Variants in CHRNB4 observed in about 807,000 individuals in gnomAD.
The protein encoded by CHRNB4 is cholinergic receptor nicotinic beta 4 subunit.
Under a neutral mutation model 40.4 loss-of-function variants are expected in CHRNB4, and 23 were observed. The observed-to-expected ratio is 0.57, with a 90% confidence interval of 0.41 to 0.81. The LOEUF is 0.81. Ranked by LOEUF, CHRNB4 falls within the 30% of genes least tolerant of loss-of-function variation. The pLI is 0.00. For synonymous variants in CHRNB4, 285 were observed against 274.4 expected, an observed-to-expected ratio of 1.04 and a Z score of -0.38; for missense variants, 568 against 670.6, an observed-to-expected ratio of 0.85 and a Z score of 1.69.
chr15:78,632,221 C>T (rs1159475181), intron 2 of CHRNB4, among the ~76,000 whole-genome samples: 118 of 86,928 alleles, frequency 1.4e-3, no homozygotes, highest in African/African-American at 8.2e-3. Context: ...TTCTCTTTCT[C>T]TCTCTCTCTC....
At chr15:78,660,470 C>A (rs1364268361) in intron 1 of CHRNB4, 2 of 152,280 alleles carry the variant, frequency 1.3e-5, no homozygotes, top group Admixed American at 1.3e-4. Context: ...TAGTAAAAAC[C>A]TACTATGACG....
At chr15:78,651,099 G>T (rs984515547) in intron 6 of CHRNB4, among the ~76,000 whole-genome samples, 5 of 152,094 alleles carry the variant, frequency 3.3e-5, no homozygotes, top group African/African-American at 1.2e-4. Context: ...GACAGGAGCT[G>T]GCCCAAGTTC....
At chr15:78,648,163 G>C (rs948036393) in intron 7 of CHRNB4, among the ~76,000 whole-genome samples, 2 of 151,998 alleles carry the variant, frequency 1.3e-5, no homozygotes, top group African/African-American at 4.8e-5. Context: ...GAAGGCCTAG[G>C]CGGGTGGATC....
intron 1 of CHRNB4, among the ~76,000 whole-genome samples, chr15:78,640,840 T>C (rs1468079535): frequency 6.6e-6 from 1 of 152,164 alleles, no homozygotes; most frequent in Non-Finnish European, 1.5e-5. Context: ...GCCCTGGCCC[T>C]GGCAGCGGCT....
At chr15:78,659,110 G>T (rs901152014) in intron 1 of CHRNB4, among the ~76,000 whole-genome samples, 1 of 152,164 alleles carries the variant, frequency 6.6e-6, no homozygotes, top group African/African-American at 2.4e-5. Context: ...TGGTGGGGGT[G>T]TAAGATGGGG....
intron 7 of CHRNB4, among the ~76,000 whole-genome samples, chr15:78,648,391 C>CA (rs745703762): frequency 0.15 from 11,201 of 73,280 alleles, 1,453 homozygotes; most frequent in East Asian, 0.38. Flanking sequence ...AGACTTGCCT[C>CA]AAAAAAAAAA....
At position 78,628,954 on chromosome 15, in the gene CHRNB4, G is replaced by C; in HGVS notation, c.1338+13C>G. ...CTGTTGGGCAGGTGGGCAGGGGCTG[G>C]TTAGCAACTTACACTCTGGTCTTCA... On this transcript the variant is annotated intron_variant, in intron 5 of 5. Coordinates refer to ENST00000261751, the MANE Select transcript of CHRNB4 (RefSeq NM_000750.5). 1.2e-6 allele frequency: 2 copies of C among 1,601,410 alleles called. No homozygotes were observed. Among genetic ancestry groups the C allele is most frequent in the Non-Finnish European group, 1.7e-6 (2 of 1,170,816 alleles).
At chr15:78,653,182 G>A (rs531601207) in intron 5 of CHRNB4, among the ~76,000 whole-genome samples, 28 of 152,250 alleles carry the variant, frequency 1.8e-4, no homozygotes, top group African/African-American at 6.5e-4. Flanking sequence ...CTTTGACAAT[G>A]TAATCCTGAC....
In CHRNB4 at chr15:78,647,584, C is replaced by T. The variant is rs560700086; in HGVS notation, c.46+1795G>A. Among the ~76,000 whole-genome samples, 33 of 151,338 alleles carry T rather than the reference C, an allele frequency of 2.2e-4. No homozygotes were observed. In the South Asian group the frequency reaches 2.7e-3, roughly 12 times the overall value. The stretch of plus-strand genomic sequence containing the variant: ...AGATTCAGCCGGGTGCAGTGGCTCA[C>T]GCCTGTAATCCCAGCACTTTGGGAG... On this transcript the variant is annotated intron_variant and NMD_transcript_variant, in intron 7 of 11. Coordinates refer to the CHRNB4 transcript ENST00000559849.
exon 6 of CHRNB4, chr15:78,652,621 A>C (rs1258074010): frequency 1.3e-5 from 2 of 152,162 alleles, no homozygotes; most frequent in Non-Finnish European, 2.9e-5. Flanking sequence ...AGCAGATTGG[A>C]GTGAGTTTCC....
chr15:78,646,876 C>T (rs1022629798), intron 7 of CHRNB4, among the ~76,000 whole-genome samples: 2 of 152,178 alleles, frequency 1.3e-5, no homozygotes, highest in African/African-American at 4.8e-5. Context: ...TGTGGTGGTT[C>T]ATACCTGTAA....
chr15:78,647,209 A>G (rs2054129426), intron 7 of CHRNB4, among the ~76,000 whole-genome samples: 1 of 152,238 alleles, frequency 6.6e-6, no homozygotes, highest in Non-Finnish European at 1.5e-5. Context: ...TAAAGTATTT[A>G]AACTTCTATT....
At chr15:78,653,859 T>G (rs191547822) in intron 5 of CHRNB4, among the ~76,000 whole-genome samples, 9 of 152,240 alleles carry the variant, frequency 5.9e-5, no homozygotes, top group Non-Finnish European at 1.2e-4. Context: ...TTACAGTAAT[T>G]ACTGGTCCCC....
intron 7 of CHRNB4, among the ~76,000 whole-genome samples, chr15:78,648,436 C>G (rs1175932883): frequency 6.8e-6 from 1 of 146,912 alleles, no homozygotes; most frequent in Non-Finnish European, 1.5e-5. Context: ...GGGGGTGAAT[C>G]TGTTCCTTCT....
At chr15:78,627,680 A>G (rs2053689234) in intron 5 of CHRNB4, 1 of 152,174 alleles carries the variant, frequency 6.6e-6, no homozygotes, top group Non-Finnish European at 1.5e-5. Context: ...GAGAACATTC[A>G]CAAGAGCATG....
At chr15:78,652,721 T>C (rs1469996274) in intron 5 of CHRNB4, 1 of 152,246 alleles carries the variant, frequency 6.6e-6, no homozygotes, top group Non-Finnish European at 1.5e-5. Flanking sequence ...GGTACCCATT[T>C]TGGTTCTGCC....
chr15:78,656,877 C>T (rs2054218440), intron 3 of CHRNB4, among the ~76,000 whole-genome samples: 2 of 152,198 alleles, frequency 1.3e-5, no homozygotes, highest in Admixed American at 6.5e-5. Flanking sequence ...TCTACATTCT[C>T]TCCCTAGCAC....
intron 5 of CHRNB4, among the ~76,000 whole-genome samples, chr15:78,628,611 G>A (rs970619858): frequency 1.3e-5 from 2 of 152,018 alleles, no homozygotes; most frequent in African/African-American, 2.4e-5. Context: ...ACTGAGTCCC[G>A]GGTACCCACG....
rs561121514 is a variant in CHRNB4, at chr15:78,640,054, A to G, written c.55+1025T>C. On this transcript the variant is annotated intron_variant, in intron 1 of 5. Transcript: ENST00000261751. Reference sequence around the variant, plus strand: ...GATGGGTATATCTTTCCATTTTTTCAATGTAAATTTTTAGATTGGATATGC... The same window carrying G: ...GATGGGTATATCTTTCCATTTTTTCGATGTAAATTTTTAGATTGGATATGC... 2.2e-4 allele frequency among the ~76,000 whole-genome samples: 33 copies of G among 152,220 alleles called. 1 individual carries two copies. In the South Asian group the frequency reaches 6.4e-3, roughly 30 times the overall value.
Sources: allele counts gnomAD v4.1 joint callset (sites outside exome capture counted in the v4.1 genomes callset), GRCh38; gene constraint gnomAD v4.1.1; transcripts MANE v1.5; gene names NCBI Gene and HGNC (gene_info 2026-07-23, HGNC 2026-07-21).